DBNDD2: variants seen among roughly 807,000 people sequenced by gnomAD.
The protein encoded by DBNDD2 is dysbindin domain containing 2.
DBNDD2 carries 8 observed loss-of-function variants against 14.0 expected under a neutral mutation model. The ratio of observed to expected loss-of-function variants is 0.57; its 90% CI spans 0.33 to 1.03. The LOEUF (loss-of-function observed/expected upper bound fraction) is 1.03, where lower values mean the gene tolerates loss of function less well. DBNDD2 is among the 50% of genes least tolerant of loss of function. The probability of loss-of-function intolerance (pLI) is 0.03; values close to 1 mark genes in which losing one functional copy is unlikely to be tolerated. For synonymous variants in DBNDD2, 94 were observed against 85.3 expected (o/e 1.10, Z -0.56); for missense variants, 194 against 206.0 (o/e 0.94, Z 0.36).
upstream of DBNDD2, chr20:45,406,351 G>T (rs1173234116): frequency 2.0e-5 from 23 of 1,170,326 alleles, no homozygotes; most frequent in Non-Finnish European, 2.6e-5. Context: ...GTCTGCGCGG[G>T]GCGGGGGCGC....
rs1384353331 is a variant in DBNDD2 at position 45,410,067 on chromosome 20, A to G, written c.413A>G (p.Asp138Gly). The G allele has an allele frequency of 6.4e-7, 1 of 1,555,024 alleles. No homozygotes were observed. The highest frequency in any genetic ancestry group is 2.4e-5 in the East Asian group (1 of 41,282). The change falls in exon 3 of 3, where the codon GAT becomes GGT. Residue 138 changes from aspartate to glycine, a missense_variant. Transcript: ENST00000372710. ...HSPNPSDDGA[D>G]TPLAQSDEEE... ...CCAAATCCAAGTGATGATGGAGCAG[A>G]TACGCCCTTGGCACAGTCGGATGAA...
At chr20:45,409,019 G>A (rs1050020646) in intron 2 of DBNDD2, 81 bp downstream of exon 2, 7 of 1,613,446 alleles carry the variant, frequency 4.3e-6, no homozygotes, top group African/African-American at 1.3e-5. Flanking sequence ...TACAAGGCTG[G>A]GCTGGGGAAG....
rs1267715625 is a variant in DBNDD2, at chr20:45,408,540, G to A, written c.73G>A (p.Asp25Asn). The A allele has an allele frequency of 2.5e-6, 4 of 1,614,254 alleles. No homozygotes were observed. The East Asian group carries it at 8.9e-5, about 36-fold the overall frequency. The part of the protein sequence containing the change: ...RLRERQKFFE[D>N]ILQPETEFVF... The stretch of plus-strand genomic sequence containing the variant: ...TCGGGAGCGGCAAAAATTCTTCGAG[G>A]ACATTTTACAGCCAGAGACAGAGTT... Residue 25 changes from aspartate (D) to asparagine (N), a missense_variant, in exon 1 of 3, where the codon GAC (aspartate) becomes AAC (asparagine). Asp to Asn is a conservative substitution (Grantham distance 23). Transcript: ENST00000372710.
chr20:45,409,493 A>G (rs1989713757), intron 2 of DBNDD2, among the ~76,000 whole-genome samples: 1 of 152,230 alleles, frequency 6.6e-6, no homozygotes, highest in Non-Finnish European at 1.5e-5. Context: ...CTTAACTTGT[A>G]AGATAGATAT....
upstream of DBNDD2, chr20:45,406,675 C>T: frequency 6.0e-6 from 8 of 1,337,034 alleles, no homozygotes; most frequent in Non-Finnish European, 7.7e-6. Context: ...CTCCCACGCC[C>T]CCGCCGCGGC....
At chr20:45,408,263 T>C (rs571592363), upstream of DBNDD2, 5 of 1,552,826 alleles carry the variant, frequency 3.2e-6, no homozygotes, top group East Asian at 7.3e-5. Flanking sequence ...AAGCCCCGCC[T>C]CTGCATGAGA....
chr20:45,406,596 C>G (rs1287283294), upstream of DBNDD2: 3 of 1,450,408 alleles, frequency 2.1e-6, no homozygotes, highest in African/African-American at 1.5e-5. Context: ...TCCTCGTTCC[C>G]GGCTCCCAGG....
upstream of DBNDD2, chr20:45,407,142 C>G (rs989283835): frequency 1.8e-5 from 4 of 226,290 alleles, no homozygotes; most frequent in Non-Finnish European, 2.9e-5. Context: ...TCAGCTCCCC[C>G]ACCTTGGCCT....
upstream of DBNDD2, chr20:45,407,847 G>C: frequency 8.9e-7 from 1 of 1,125,470 alleles, no homozygotes; most frequent in Non-Finnish European, 1.1e-6. Flanking sequence ...TAGGGGCAGA[G>C]CCTAGTCTGG....
chr20:45,407,801 C>A, upstream of DBNDD2: 1 of 1,039,928 alleles, frequency 9.6e-7, no homozygotes, highest in Non-Finnish European at 1.2e-6. Flanking sequence ...ATGCCATTTT[C>A]AGATGGGGAG....
At chr20:45,409,849 A>G in intron 2 of DBNDD2, 83 bp from the exon 3 acceptor site, 9 of 1,418,578 alleles carry the variant, frequency 6.3e-6, no homozygotes, top group Non-Finnish European at 8.7e-6. Flanking sequence ...CCCACTGTGG[A>G]CTTTAGTTAC....
chr20:45,409,159 C>T (rs1489095060), intron 2 of DBNDD2: 6 of 662,598 alleles, frequency 9.1e-6, no homozygotes, highest in East Asian at 2.8e-5. Flanking sequence ...AACGGTCAAT[C>T]TCTTCTTTAA....
At chr20:45,407,752 C>G, upstream of DBNDD2, 7 of 1,009,148 alleles carry the variant, frequency 6.9e-6, no homozygotes, top group Non-Finnish European at 8.3e-6. Flanking sequence ...AGCTCACCTT[C>G]ACAAGCAGGG....
At chr20:45,407,970 TTGTC>T, upstream of DBNDD2, 1 of 1,398,672 alleles carries the variant, frequency 7.1e-7, no homozygotes, top group Middle Eastern at 2.7e-4. Context: ...GCTTTAGCCT[TTGTC>T]TGGGTTTTGA....
Position 45,408,399 on chromosome 20 carries a change from G to A in DBNDD2, c.-69G>A. 1 of 1,613,922 alleles carries A rather than the reference G, an allele frequency of 6.2e-7. No individual in the cohort carries two copies. The highest frequency in any genetic ancestry group is 1.7e-5 in the Admixed American group (1 of 60,026). The stretch of plus-strand genomic sequence containing the variant: ...GCTGCAGTGGGGCGCCCCAAGCCCA[G>A]GTCCCCTCTGTCTTCTCTTTCGACT... On this transcript the variant is annotated 5_prime_UTR_variant, in exon 1 of 3. Transcript: ENST00000372710.
At chr20:45,407,355 C>T, upstream of DBNDD2, 1 of 985,806 alleles carries the variant, frequency 1.0e-6, no homozygotes, top group Non-Finnish European at 1.2e-6. Flanking sequence ...CCCTCTCCAC[C>T]TCTGTGGCGC....
upstream of DBNDD2, chr20:45,407,915 C>A: frequency 5.3e-6 from 7 of 1,327,834 alleles, no homozygotes; most frequent in Non-Finnish European, 5.8e-6. Context: ...TGCGTGTGTA[C>A]GTGTTTGTGT....
upstream of DBNDD2, chr20:45,407,297 G>C: frequency 1.0e-6 from 1 of 985,890 alleles, no homozygotes; most frequent in African/African-American, 1.7e-5. Context: ...GCGGCCGCAC[G>C]GTCTCCCCAG....
Position 45,410,007 on chromosome 20 carries a change from C to A in DBNDD2, c.353C>A (p.Ser118Tyr). The A allele has an allele frequency of 6.4e-7, 1 of 1,551,994 alleles. No individual in the cohort carries two copies. Among genetic ancestry groups the A allele is most frequent in the South Asian group, 1.2e-5 (1 of 84,062 alleles). ...AGGACCACATCTAGGACCTCCTCCT[C>A]CTCCTCCTCCGACTCCTCCACCAAC... ...SDRTTSRTSS[S>Y]SSSDSSTNLH... The change falls in exon 3 of 3, where the codon TCC becomes TAC. Residue 118 changes from serine to tyrosine, a missense_variant. Physicochemically the swap from Ser to Tyr is moderately radical, Grantham distance 144. Coordinates refer to ENST00000372710, the MANE Select transcript of DBNDD2 (RefSeq NM_001048225.4).
Sources: gnomAD v4.1 joint callset for allele counts (sites outside exome capture counted in the v4.1 genomes callset) on GRCh38, gnomAD v4.1.1 for gene constraint, MANE v1.5 for transcripts, NCBI Gene and HGNC (gene_info 2026-07-23, HGNC 2026-07-21) for gene names.